Variants in EIF2AK3 observed in about 807,000 individuals in gnomAD.
EIF2AK3 encodes eukaryotic translation initiation factor 2 alpha kinase 3, also known as eukaryotic translation initiation factor 2-alpha kinase 3.
Under a neutral mutation model 113.5 loss-of-function variants are expected in EIF2AK3, and 50 were observed. The observed-to-expected ratio is 0.44, with a 90% CI of 0.35 to 0.56. The LOEUF (loss-of-function observed/expected upper bound fraction) is 0.56. Ranked by LOEUF, EIF2AK3 falls within the 20% of genes least tolerant of loss-of-function variation. The pLI is 0.00. For missense variants in EIF2AK3, 1,185 were observed against 1,378.0 expected, an observed-to-expected ratio of 0.86 and a Z score of 2.22; for synonymous variants, 448 against 495.4, an observed-to-expected ratio of 0.90 and a Z score of 1.27.
At chr2:88,616,287 T>C (rs1233951634) in intron 1 of EIF2AK3, among the ~76,000 whole-genome samples, 1 of 152,178 alleles carries the variant, frequency 6.6e-6, no homozygotes, top group African/African-American at 2.4e-5. Context: ...AGAGTTTGCA[T>C]ATCCATAGAC....
chr2:88,565,107 G>A (rs547076792), intron 14 of EIF2AK3, among the ~76,000 whole-genome samples: 1 of 151,318 alleles, frequency 6.6e-6, no homozygotes, highest in African/African-American at 2.4e-5. Flanking sequence ...CAAGATGTCG[G>A]CTCACTGCAA....
At position 88,583,553 on chromosome 2, in the gene EIF2AK3, G is replaced by A. The variant is rs756339598; in HGVS notation, c.1651-11C>T. 1.9e-6 allele frequency: 3 copies of A among 1,601,536 alleles called. No individual in the cohort carries two copies. Among genetic ancestry groups the A allele is most frequent in the East Asian group, 2.2e-5 (1 of 44,674 alleles). On this transcript the variant is annotated splice_polypyrimidine_tract_variant and intron_variant, in intron 9 of 16. Coordinates refer to ENST00000303236, the MANE Select transcript of EIF2AK3 (RefSeq NM_004836.7). Reference sequence around the variant, plus strand: ...AGACTCCTTCCTTTGCTGATAAGGTGAAAAACAAAATCACTACCAGTACAA... The same window carrying A: ...AGACTCCTTCCTTTGCTGATAAGGTAAAAAACAAAATCACTACCAGTACAA...
intron 14 of EIF2AK3, among the ~76,000 whole-genome samples, chr2:88,568,582 C>T (rs76363354): frequency 6.6e-6 from 1 of 152,186 alleles, no homozygotes; most frequent in African/African-American, 2.4e-5. Context: ...TACCAAAGTA[C>T]AATAGTTGTC....
chr2:88,570,270 G>C (rs768323388), intron 14 of EIF2AK3, among the ~76,000 whole-genome samples: 2 of 152,178 alleles, frequency 1.3e-5, no homozygotes, highest in Admixed American at 1.3e-4. Context: ...TCCGAGACCC[G>C]CTGCTCTAAG....
At chr2:88,585,781 T>G in intron 9 of EIF2AK3, 60 bp downstream of exon 9, 7 of 1,544,592 alleles carry the variant, frequency 4.5e-6, no homozygotes, top group Non-Finnish European at 6.2e-6. Context: ...TGTGATGGGT[T>G]GAGAAGCAAA....
At chr2:88,594,841 A>C (rs1286292863) in intron 3 of EIF2AK3, among the ~76,000 whole-genome samples, 1 of 151,058 alleles carries the variant, frequency 6.6e-6, no homozygotes, top group Non-Finnish European at 1.5e-5. Context: ...AAAAAAAAAA[A>C]AAAAAAAACG....
intron 4 of EIF2AK3, among the ~76,000 whole-genome samples, chr2:88,591,809 C>T (rs1674894181): frequency 6.6e-6 from 1 of 152,088 alleles, no homozygotes; most frequent in South Asian, 2.1e-4. Context: ...AAACCCAGAT[C>T]CTTCCTATTC....
intron 6 of EIF2AK3, among the ~76,000 whole-genome samples, chr2:88,589,756 T>C (rs760149173): frequency 5.3e-5 from 8 of 151,724 alleles, no homozygotes; most frequent in Non-Finnish European, 7.4e-5. Context: ...TGATTATAGT[T>C]TGGGGTAGGC....
At chr2:88,602,351 A>G (rs547218957) in intron 2 of EIF2AK3, among the ~76,000 whole-genome samples, 2 of 152,264 alleles carry the variant, frequency 1.3e-5, no homozygotes, top group African/African-American at 4.8e-5. Flanking sequence ...GTGTTCCCTA[A>G]CCAGGAACAC....
Position 88,574,667 on chromosome 2 carries a change from T to A in EIF2AK3, c.2816A>T (p.Lys939Met). 5 of 1,614,044 alleles carry A rather than the reference T, an allele frequency of 3.1e-6. No homozygotes were observed. The highest frequency in any genetic ancestry group is 1.1e-5 in the South Asian group (1 of 91,076). Residue 939 changes from lysine to methionine, a missense_variant and splice_region_variant, in exon 13 of 17, where the codon AAG becomes ATG. By Grantham distance (95) the Lys-to-Met change is moderately conservative (BLOSUM62 -1). Around this residue, in one of 3 missense-constraint regions of EIF2AK3, gnomAD observed 877 missense variants for 1,024.2 expected, o/e 0.86. Transcript: ENST00000303236. ...HSKGLMHRDL[K>M]PSNIFFTMDD... ...GGGTGATGCTCCACAAATACAGACCTTGAGGTCCCTGTGCATCAGTCCTTT... is the reference window on the plus strand; with the variant it reads ...GGGTGATGCTCCACAAATACAGACCATGAGGTCCCTGTGCATCAGTCCTTT...
chr2:88,621,421 G>A (rs1245175252), intron 1 of EIF2AK3, among the ~76,000 whole-genome samples: 1 of 152,210 alleles, frequency 6.6e-6, no homozygotes, highest in Non-Finnish European at 1.5e-5. Flanking sequence ...ACATTGTATG[G>A]ATTAAATAGT....
intron 10 of EIF2AK3, chr2:88,580,080 A>G (rs761334479): frequency 6.1e-5 from 13 of 214,828 alleles, no homozygotes; most frequent in Non-Finnish European, 1.1e-4. Context: ...AATCAGTCCT[A>G]TTATACCCAG....
chr2:88,606,738 T>C (rs1016716338), intron 2 of EIF2AK3, among the ~76,000 whole-genome samples: 1 of 152,204 alleles, frequency 6.6e-6, no homozygotes, highest in Non-Finnish European at 1.5e-5. Context: ...CTGTACCCTT[T>C]TCAAAGGCAG....
rs1673816749 is a variant in EIF2AK3 at position 88,557,678 on chromosome 2, T to C, written c.*58A>G. ...AAGTCTGCAATTTTGGACAGGCATA[T>C]TCTAAGAAGTAGGCTATTATCTGCA... On this transcript the variant is annotated 3_prime_UTR_variant, in exon 17 of 17. Transcript: ENST00000303236. 6.3e-7 allele frequency: 1 copy of C among 1,580,712 alleles called. No homozygotes were observed. Among genetic ancestry groups the C allele is most frequent in the Non-Finnish European group, 8.7e-7 (1 of 1,149,650 alleles).
intron 6 of EIF2AK3, among the ~76,000 whole-genome samples, chr2:88,590,213 C>T (rs910364457): frequency 2.0e-5 from 3 of 151,958 alleles, no homozygotes; most frequent in South Asian, 2.1e-4. Flanking sequence ...CTAGCCTGGG[C>T]GACAAGAGTG....
chr2:88,618,101 G>A (rs1675632541), intron 1 of EIF2AK3, among the ~76,000 whole-genome samples: 1 of 152,182 alleles, frequency 6.6e-6, no homozygotes, highest in Admixed American at 6.5e-5. Context: ...AGGATTGCTT[G>A]TGCCCAGGAG....
chr2:88,627,318 C>A lies in EIF2AK3; in HGVS notation c.-44G>T. On this transcript the variant is annotated 5_prime_UTR_variant, in exon 1 of 17. Coordinates refer to ENST00000303236, the MANE Select transcript of EIF2AK3 (RefSeq NM_004836.7). ...GCAGGCATGGAGGCGCAGCCACTGA[C>A]GCCTGCCTCTCCCGCCGCTTGGAGC... 6.9e-7 allele frequency: 1 copy of A among 1,442,040 alleles called. No individual in the cohort carries two copies. Among genetic ancestry groups the A allele is most frequent in the Non-Finnish European group, 9.1e-7 (1 of 1,098,930 alleles). 89.3% of individuals were successfully genotyped at this position (1,442,040 alleles called of 1,614,324 possible).
chr2:88,586,117 C>CT (rs1674725335), intron 8 of EIF2AK3, 56 bp from the exon 9 acceptor site: 1 of 1,345,372 alleles, frequency 7.4e-7, no homozygotes, highest in Non-Finnish European at 1.1e-6. Flanking sequence ...ATAGGCCCGT[C>CT]TTTAACTATT....
At chr2:88,576,792 T>C (rs1674471436) in intron 11 of EIF2AK3, 89 bp from the exon 12 acceptor site, 1 of 1,394,940 alleles carries the variant, frequency 7.2e-7, no homozygotes, top group African/African-American at 1.4e-5. Context: ...CCCTAAAATA[T>C]GTAGATGTAT....
Sources: gnomAD v4.1 joint callset for allele counts (sites outside exome capture counted in the v4.1 genomes callset) on GRCh38, gnomAD v4.1.1 for gene constraint, gnomAD v4.1.1 regional missense constraint, MANE v1.5 for transcripts, NCBI Gene and HGNC (gene_info 2026-07-23, HGNC 2026-07-21) for gene names.